Variants in RAD51B observed in about 807,000 individuals in gnomAD.
The protein encoded by RAD51B is RAD51 paralog B, also known as DNA repair protein RAD51 homolog 2.
Under a neutral mutation model 42.2 loss-of-function variants are expected in RAD51B, and 38 were observed. That is an observed-to-expected ratio of 0.90 (90% CI 0.70 to 1.18). The LOEUF is 1.18. Among genes scored for constraint, RAD51B ranks in the 50% most tolerant of loss-of-function variants. The pLI is 0.00. For synonymous variants in RAD51B, 154 were observed against 145.2 expected (o/e 1.06, Z -0.43); for missense variants, 373 against 400.7 (o/e 0.93, Z 0.59).
At chr14:67,826,019 C>T (rs35612853) in intron 3 of RAD51B, among the ~76,000 whole-genome samples, 105 of 152,238 alleles carry the variant, frequency 6.9e-4, no homozygotes, top group African/African-American at 2.2e-3. Context: ...CGTGAGCCAC[C>T]GTGCCTAGCC....
intron 7 of RAD51B, among the ~76,000 whole-genome samples, chr14:68,283,688 TC>T (rs2081362906): frequency 2.0e-5 from 3 of 152,144 alleles, no homozygotes; most frequent in Admixed American, 2.0e-4. Flanking sequence ...CCATCTGAGA[TC>T]CGGAACCAAC....
chr14:68,144,189 A>G (rs1008334061), intron 7 of RAD51B, among the ~76,000 whole-genome samples: 5 of 152,214 alleles, frequency 3.3e-5, no homozygotes, highest in Admixed American at 6.5e-5. Context: ...CCTAAGGCCC[A>G]GAGAGCTCTT....
intron 10 of RAD51B, among the ~76,000 whole-genome samples, chr14:68,626,238 C>T (rs145087090): frequency 6.6e-6 from 1 of 152,292 alleles, no homozygotes; most frequent in East Asian, 1.9e-4. Context: ...AGGCACAGCT[C>T]AGAAAGCAGG....
chr14:68,036,046 T>C (rs770705576), intron 7 of RAD51B, among the ~76,000 whole-genome samples: 5 of 152,236 alleles, frequency 3.3e-5, no homozygotes, highest in Non-Finnish European at 7.3e-5. Context: ...CCGTGGTTTA[T>C]CTGTTCCTTG....
chr14:68,596,714 C>T (rs1231894629), downstream of RAD51B, among the ~76,000 whole-genome samples: 2 of 152,236 alleles, frequency 1.3e-5, no homozygotes, highest in Non-Finnish European at 2.9e-5. Flanking sequence ...TTTTAAAGAA[C>T]CTATCTAGCT....
At chr14:68,072,070 A>AATTATATATAATTATATATAATT (rs2076754027) in intron 7 of RAD51B, among the ~76,000 whole-genome samples, 1 of 104,702 alleles carries the variant, frequency 9.6e-6, no homozygotes, top group African/African-American at 5.0e-5. Flanking sequence ...TATTTATATA[A>AATTATATATAATTATATATAATT]ATATATAAAT....
chr14:68,608,832 G>A lies in RAD51B; in HGVS notation c.1037-2174G>A, dbSNP rs1319581130. Among the ~76,000 whole-genome samples the A allele has an allele frequency of 2.6e-5, 4 of 152,160 alleles. 1 individual carries two copies. The East Asian group carries it at 7.7e-4, about 29-fold the overall frequency. On this transcript the variant is annotated intron_variant, in intron 10 of 10. Transcript: ENST00000487861. ...CAGCAGTTTCCCCAGCCAAGGCTCTGGGCTCCAGCCCTGCTGGTCCCTCTT... is the reference window on the plus strand; with the variant it reads ...CAGCAGTTTCCCCAGCCAAGGCTCTAGGCTCCAGCCCTGCTGGTCCCTCTT...
chr14:68,339,488 T>A, intron 8 of RAD51B: 1 of 448,514 alleles, frequency 2.2e-6, no homozygotes, highest in Non-Finnish European at 3.9e-6. Context: ...CAGCAGGAGC[T>A]GGAGCCATTT....
chr14:68,078,985 T>G (rs2076875543), intron 7 of RAD51B, among the ~76,000 whole-genome samples: 1 of 152,154 alleles, frequency 6.6e-6, no homozygotes, highest in Non-Finnish European at 1.5e-5. Flanking sequence ...GCCAAGACCC[T>G]ATCTCTAAAT....
chr14:68,608,557 A>G (rs1019585805), intron 10 of RAD51B, among the ~76,000 whole-genome samples: 1 of 152,192 alleles, frequency 6.6e-6, no homozygotes, highest in African/African-American at 2.4e-5. Context: ...GAGCAGCTGC[A>G]GGTAGCTGGC....
intron 7 of RAD51B, among the ~76,000 whole-genome samples, chr14:68,001,414 A>C (rs2075480454): frequency 6.6e-6 from 1 of 152,072 alleles, no homozygotes; most frequent in Non-Finnish European, 1.5e-5. Flanking sequence ...TTCTTAAGTG[A>C]TGAATCAATG....
chr14:68,327,441 C>T, intron 8 of RAD51B, among the ~76,000 whole-genome samples: 1 of 150,100 alleles, frequency 6.7e-6, no homozygotes, highest in Non-Finnish European at 1.5e-5. Context: ...ACTGCTTTCT[C>T]CTTCTACGCT....
chr14:67,923,226 T>G (rs2044385754), intron 7 of RAD51B, among the ~76,000 whole-genome samples: 1 of 152,164 alleles, frequency 6.6e-6, no homozygotes, highest in Admixed American at 6.5e-5. Flanking sequence ...CTGAGTAGTA[T>G]TCCACAGTGT....
chr14:68,665,558 T>A (rs1893015623), intron 11 of RAD51B, among the ~76,000 whole-genome samples: 1 of 152,172 alleles, frequency 6.6e-6, no homozygotes, highest in Admixed American at 6.5e-5. Context: ...AGAGCTGGTG[T>A]CAGGAGAAGA....
chr14:68,599,315 C>T (rs1891128034), downstream of RAD51B, among the ~76,000 whole-genome samples: 1 of 152,196 alleles, frequency 6.6e-6, no homozygotes. Context: ...TTCGTAAACA[C>T]CAAGGAGGCT....
At chr14:68,329,451 T>A (rs979533489) in intron 8 of RAD51B, among the ~76,000 whole-genome samples, 1 of 152,208 alleles carries the variant, frequency 6.6e-6, no homozygotes, top group Non-Finnish European at 1.5e-5. Context: ...GAATGTCAGC[T>A]TCAGCTAAGA....
At chr14:68,479,843 T>C (rs1883037030), downstream of RAD51B, among the ~76,000 whole-genome samples, 1 of 151,606 alleles carries the variant, frequency 6.6e-6, no homozygotes, top group South Asian at 2.1e-4. Context: ...TAATTTTTTA[T>C]TTTTTGTAGA....
chr14:68,190,307 A>G (rs2079238990), intron 7 of RAD51B, among the ~76,000 whole-genome samples: 4 of 152,200 alleles, frequency 2.6e-5, no homozygotes, highest in Admixed American at 2.6e-4. Flanking sequence ...TTTTTGTGCT[A>G]GAAAATCAAG....
intron 7 of RAD51B, among the ~76,000 whole-genome samples, chr14:67,993,931 T>TA (rs1399778214): frequency 6.6e-6 from 1 of 152,206 alleles, no homozygotes; most frequent in Non-Finnish European, 1.5e-5. Context: ...CTAGCTATTC[T>TA]AACAACTATA....
Sources: gnomAD v4.1 joint callset for allele counts (sites outside exome capture counted in the v4.1 genomes callset) on GRCh38, gnomAD v4.1.1 for gene constraint, MANE v1.5 for transcripts, NCBI Gene and HGNC (gene_info 2026-07-23, HGNC 2026-07-21) for gene names.